The following REXO1 variants were observed in gnomAD, a reference collection of about 807,000 sequenced individuals.
REXO1 encodes REX1, RNA exonuclease 1 homolog.
In REXO1, 42 loss-of-function variants were observed where a neutral mutation model predicts 102.6. That is an observed-to-expected ratio of 0.41 (90% CI 0.32 to 0.53). The LOEUF is 0.53. Ranked by LOEUF, REXO1 falls within the 20% of genes least tolerant of loss-of-function variation. REXO1 has a pLI of 0.27. For synonymous variants in REXO1, 908 were observed against 779.1 expected (o/e 1.17, Z -2.76); for missense variants, 1,819 against 1,732.5 (o/e 1.05, Z -0.89).
At chr19:1,831,868 GAAAGAA>G (rs1189334777) in intron 1 of REXO1, among the ~76,000 whole-genome samples, 8 of 40,052 alleles carry the variant, frequency 2.0e-4, no homozygotes, top group Middle Eastern at 0.067. Context: ...AAAAAAAAAA[GAAAGAA>G]AAAGAAAAAG....
intron 4 of REXO1, chr19:1,822,197 G>A (rs2069566332): frequency 7.0e-6 from 2 of 286,392 alleles, no homozygotes; most frequent in African/African-American, 4.4e-5. Context: ...TGGCAGGGGG[G>A]CTTCTGGACT....
chr19:1,830,282 G>A (rs1335588451), intron 1 of REXO1, among the ~76,000 whole-genome samples: 3 of 152,212 alleles, frequency 2.0e-5, no homozygotes, highest in African/African-American at 7.2e-5. Context: ...GCTGAGGCGG[G>A]AGGATACTGC....
chr19:1,826,840 C>A lies in REXO1; in HGVS notation c.1911+38G>T, dbSNP rs750096560. ...TCTCTCACCAGGCCCTCGGCTCTGC[C>A]TCTGCCCGAGCCCAGCCCCAGCACC... On this transcript the variant is annotated intron_variant, in intron 2 of 15. Transcript: ENST00000170168. This position sits in a 1 kb window ranked among gnomAD's most constrained non-coding sequence, Gnocchi z 4.3. 1.1e-5 allele frequency: 17 copies of A among 1,549,016 alleles called. No individual in the cohort carries two copies. Among genetic ancestry groups the A allele is most frequent in the African/African-American group, 1.4e-5 (1 of 73,014 alleles).
chr19:1,832,395 C>G (rs1599155550), intron 1 of REXO1, among the ~76,000 whole-genome samples: 1 of 152,222 alleles, frequency 6.6e-6, no homozygotes, highest in Admixed American at 6.5e-5. Flanking sequence ...CAGTGGAAAA[C>G]AGCTGCCCGC....
At chr19:1,838,390 G>A (rs1038652824) in intron 1 of REXO1, among the ~76,000 whole-genome samples, 4 of 150,746 alleles carry the variant, frequency 2.7e-5, no homozygotes, top group Admixed American at 6.6e-5. Context: ...AAGTCGAAGC[G>A]GGCGGATCAC....
At position 1,827,371 on chromosome 19, in the gene REXO1, G is replaced by A. The variant is rs1298390958; in HGVS notation, c.1418C>T (p.Pro473Leu). ...GTCGGGCAGCTGGAGGGGGCGGGGT[G>A]GGCCTCTGCCGGCCGCCGGTCGGGA... Reference protein sequence around the residue: ...GDSRPAAGRGPPRPLQLPDRK... With the variant: ...GDSRPAAGRGLPRPLQLPDRK... The change falls in exon 2 of 16, where the codon CCA (proline) becomes CTA (leucine). Residue 473 changes from proline (P) to leucine (L), a missense_variant. Transcript: ENST00000170168. 6.5e-7 allele frequency: 1 copy of A among 1,537,796 alleles called. No individual in the cohort carries two copies. Among genetic ancestry groups the A allele is most frequent in the Admixed American group, 2.0e-5 (1 of 49,194 alleles).
At chr19:1,825,287 G>C (rs1487719276) in intron 3 of REXO1, among the ~76,000 whole-genome samples, 2 of 128,202 alleles carry the variant, frequency 1.6e-5, no homozygotes, top group African/African-American at 5.8e-5. Context: ...GTAACAGAGC[G>C]AGACTCCGTC....
rs142983930 is a variant in REXO1 at position 1,818,815 on chromosome 19, C to A, written c.2793G>T (p.Glu931Asp). 23 of 1,609,284 alleles carry A rather than the reference C, an allele frequency of 1.4e-5. No individual in the cohort carries two copies. In the Middle Eastern group the frequency reaches 5.1e-4, roughly 35 times the overall value. Residue 931 changes from glutamate to aspartate, a missense_variant, in exon 9 of 16, where the codon GAG becomes GAT. Coordinates refer to ENST00000170168, the MANE Select transcript of REXO1 (RefSeq NM_020695.4). ...KGAALYSRLREYLLTQDQLKE... is the reference protein window; with the variant it reads ...KGAALYSRLRDYLLTQDQLKE... ...TGAGCTGGTCCTGGGTGAGCAGGTA[C>A]TCCCTGAGGCGGCTGTACAGGGCAG...
intron 4 of REXO1, 176 bp from the exon 5 acceptor site, chr19:1,821,858 A>G: frequency 1.6e-6 from 1 of 623,098 alleles, no homozygotes; most frequent in South Asian, 2.0e-5. Context: ...AGCTGCCTTC[A>G]GGCAAGTCCA....
chr19:1,818,857 C>G lies in REXO1; in HGVS notation c.2765-14G>C. The G allele has an allele frequency of 6.2e-7, 1 of 1,608,688 alleles. No individual in the cohort carries two copies. Among genetic ancestry groups the G allele is most frequent in the Non-Finnish European group, 8.5e-7 (1 of 1,179,168 alleles). On this transcript the variant is annotated splice_polypyrimidine_tract_variant and intron_variant, in intron 8 of 15. Coordinates refer to ENST00000170168, the MANE Select transcript of REXO1 (RefSeq NM_020695.4). ...ACAGGGCAGCCCCTGTGGACAGGCA[C>G]AGTGGTCAGCCCCTGCCTGGGATGG...
chr19:1,827,273 G>T lies in REXO1; in HGVS notation c.1516C>A (p.Gln506Lys). The change falls in exon 2 of 16, where the codon CAG (glutamine) becomes AAG (lysine). Residue 506 changes from glutamine (Q) to lysine (K), a missense_variant. Coordinates refer to ENST00000170168, the MANE Select transcript of REXO1 (RefSeq NM_020695.4). ...KARSLDEGAS[Q>K]DAPKLKKRAL... ...CGCTTCTTCAGCTTGGGGGCGTCCT[G>T]GGAGGCGCCCTCGTCTAGTGAGCGG... The T allele has an allele frequency of 6.4e-7, 1 of 1,562,880 alleles. No homozygotes were observed. The highest frequency in any genetic ancestry group is 8.6e-7 in the Non-Finnish European group (1 of 1,161,056).
chr19:1,834,356 G>A (rs2069982060), intron 1 of REXO1, among the ~76,000 whole-genome samples: 1 of 152,208 alleles, frequency 6.6e-6, no homozygotes, highest in African/African-American at 2.4e-5. Flanking sequence ...CAGAGCGCAG[G>A]ACAGGTGATA....
At position 1,818,707 on chromosome 19, in the gene REXO1, G is replaced by C; in HGVS notation, c.2901C>G (p.Asp967Glu). 6.2e-7 allele frequency: 1 copy of C among 1,611,014 alleles called. No individual in the cohort carries two copies. The highest frequency in any genetic ancestry group is 8.5e-7 in the Non-Finnish European group (1 of 1,179,858). ...IFTAEEKRPK[D>E]SSCRTCCRCG... ...GGCCGTCGCAGGCCAGCGACTCACA[G>C]TCCTTGGGCCTCTTCTCCTCAGCTG... The change falls in exon 9 of 16, where the codon GAC becomes GAG. Residue 967 changes from aspartate to glutamate, a missense_variant and splice_region_variant. Transcript: ENST00000170168.
intron 1 of REXO1, among the ~76,000 whole-genome samples, chr19:1,841,164 G>A (rs1301397362): frequency 6.6e-6 from 1 of 151,734 alleles, no homozygotes; most frequent in Non-Finnish European, 1.5e-5. Flanking sequence ...GTCCCCGTGA[G>A]GCTCAGGGAC....
In REXO1 at chr19:1,817,716, T is replaced by C. The variant is rs1166088276; in HGVS notation, c.3081A>G (p.Gln1027=). 7.4e-6 allele frequency: 12 copies of C among 1,612,298 alleles called. No homozygotes were observed. The highest frequency in any genetic ancestry group is 3.3e-5 in the Admixed American group (2 of 59,872). Residue 1027 remains glutamine, a synonymous_variant, in exon 11 of 16, where the codon CAA becomes CAG. Coordinates refer to ENST00000170168, the MANE Select transcript of REXO1 (RefSeq NM_020695.4). Reference sequence around the variant, plus strand: ...GGACGCCAGGGCTCACCTTTGCGACTTGGCAGCCGACAGAGCCGGCGGCAG... The same window carrying C: ...GGACGCCAGGGCTCACCTTTGCGACCTGGCAGCCGACAGAGCCGGCGGCAG... ...CSAAAGSVGC[Q]VAKQHVQDGR...
At chr19:1,847,896 G>A (rs924126866) in intron 1 of REXO1, among the ~76,000 whole-genome samples, 2 of 152,146 alleles carry the variant, frequency 1.3e-5, no homozygotes, top group African/African-American at 4.8e-5. Flanking sequence ...CGTCTCCCGA[G>A]CCCCCTTGTG....
In REXO1 at chr19:1,819,057, G is replaced by A. The variant is rs2069455181; in HGVS notation, c.2725C>T (p.Leu909Phe). 1 of 1,602,440 alleles carries A rather than the reference G, an allele frequency of 6.2e-7. No individual in the cohort carries two copies. The change falls in exon 8 of 16, where the codon CTC (leucine) becomes TTC (phenylalanine). Residue 909 changes from leucine to phenylalanine, a missense_variant. Physicochemically the swap from Leu to Phe is conservative, Grantham distance 22. Transcript: ENST00000170168. ...GRLAAKTSFS[L>F]SRPSSPRVED... Reference sequence around the variant, plus strand: ...ACCCGGGGGCTGCTTGGACGGCTGAGCGAGAAGCTGGTCTTGGCGGCCAAC... The same window carrying A: ...ACCCGGGGGCTGCTTGGACGGCTGAACGAGAAGCTGGTCTTGGCGGCCAAC...
chr19:1,826,693 A>G lies in REXO1; in HGVS notation c.1911+185T>C, dbSNP rs200382757. ...CTCTGGGTGGGTGAGGGGCAACAGG[A>G]GCAACAGGGCTGCCCGGGTGCTCCT... is the stretch of plus-strand genomic sequence containing the variant. On this transcript the variant is annotated intron_variant, in intron 2 of 15. Transcript: ENST00000170168. The surrounding 1 kb of genome is among the most constrained non-coding windows in gnomAD (Gnocchi z 4.3). 0.028 allele frequency among the ~76,000 whole-genome samples: 2,096 copies of G among 75,038 alleles called. 46 individuals are homozygous for G. Among genetic ancestry groups the G allele is most frequent in the African/African-American group, 0.16 (1,951 of 11,996 alleles). 49.2% of individuals were successfully genotyped at this position (75,038 alleles called of 152,430 possible). A position where few individuals can be genotyped will look rare whatever the true frequency, so the allele number is the denominator to read the frequency against.
chr19:1,817,156 C>CCAGATGG (rs3841563), intron 12 of REXO1, 63 bp downstream of exon 12: 16 of 1,586,542 alleles, frequency 1.0e-5, no homozygotes, highest in Admixed American at 1.7e-5. Context: ...CCAGATGGGG[C>CCAGATGG]GGCCGCACCA....
Sources: gnomAD v4.1 joint callset for allele counts (sites outside exome capture counted in the v4.1 genomes callset) on GRCh38, gnomAD v4.1.1 for gene constraint, Gnocchi (gnomAD v3.1) non-coding constraint, MANE v1.5 for transcripts, NCBI Gene and HGNC (gene_info 2026-07-23, HGNC 2026-07-21) for gene names.